NRK: variants seen among roughly 807,000 people sequenced by gnomAD.
NRK encodes the protein Nik related kinase, also known as nik-related protein kinase.
NRK carries 67 observed loss-of-function variants against 125.2 expected under a neutral mutation model. The observed-to-expected ratio is 0.54, with a 90% CI of 0.44 to 0.66. The LOEUF is 0.66. NRK is among the 30% of genes least tolerant of loss of function. The pLI is 0.00. For synonymous variants in NRK, 458 were observed against 429.0 expected (o/e 1.07, Z -0.84); for missense variants, 1,224 against 1,192.9 (o/e 1.03, Z -0.38).
intron 1 of NRK, among the ~76,000 whole-genome samples, chrX:105,825,684 A>G (rs2039083341): frequency 8.9e-6 from 1 of 111,892 alleles, no homozygotes; most frequent in Non-Finnish European, 1.9e-5. Flanking sequence ...TGACAAAATT[A>G]TATAACTTTC....
chrX:105,955,396 T>C (rs1478245155), intron 28 of NRK, 109 bp from the exon 29 acceptor site: 1 of 427,611 alleles, frequency 2.3e-6, no homozygotes, highest in Non-Finnish European at 4.1e-6. Flanking sequence ...CACAAAACAG[T>C]AAGGCTTAAT....
intron 23 of NRK, 109 bp downstream of exon 23, chrX:105,940,141 T>G: frequency 1.7e-6 from 1 of 573,388 alleles, no homozygotes; most frequent in Non-Finnish European, 2.8e-6. Flanking sequence ...ATTTGCAGTT[T>G]CAAATACAGA....
At chrX:105,947,508 ATAT>A (rs939079183) in intron 26 of NRK, among the ~76,000 whole-genome samples, 9 of 111,095 alleles carry the variant, frequency 8.1e-5, no homozygotes, top group African/African-American at 2.9e-4. Context: ...TGTCATAAAA[ATAT>A]TATACACATC....
chrX:105,838,236 ATTT>A (rs1231039630), intron 2 of NRK, among the ~76,000 whole-genome samples: 2 of 111,558 alleles, frequency 1.8e-5, no homozygotes. Context: ...AAATAAAATT[ATTT>A]TTAACATGTT....
intron 2 of NRK, among the ~76,000 whole-genome samples, chrX:105,864,219 A>G (rs1351753998): frequency 9.0e-6 from 1 of 111,269 alleles, no homozygotes; most frequent in Non-Finnish European, 1.9e-5. Context: ...AATCTAAATG[A>G]GATACCAACT....
chrX:105,923,868 T>C (rs1218820740), intron 18 of NRK, among the ~76,000 whole-genome samples: 1 of 91,020 alleles, frequency 1.1e-5, no homozygotes, highest in Non-Finnish European at 2.1e-5. Flanking sequence ...TAGCTATTCA[T>C]TTCTCAAACT....
At chrX:105,939,526 G>C (rs2040708613) in intron 22 of NRK, among the ~76,000 whole-genome samples, 1 of 110,989 alleles carries the variant, frequency 9.0e-6, no homozygotes, top group Non-Finnish European at 1.9e-5. Flanking sequence ...TTAGGTCTCT[G>C]AACTCCAGAG....
At chrX:105,952,563 AT>A (rs2040914068) in intron 27 of NRK, among the ~76,000 whole-genome samples, 1 of 112,148 alleles carries the variant, frequency 8.9e-6, no homozygotes, top group Non-Finnish European at 1.9e-5. Flanking sequence ...TGCTACAGTC[AT>A]TATTTGAGCA....
Position 105,958,499 on chromosome X carries a change from C to T in NRK, c.*2899C>T, listed in dbSNP as rs1179792417. 1 of 112,287 alleles carries T rather than the reference C, an allele frequency of 8.9e-6. No homozygotes were observed. Among genetic ancestry groups the T allele is most frequent in the East Asian group, 2.8e-4 (1 of 3,583 alleles). 9.3% of individuals were successfully genotyped at this position (112,287 alleles called of 1,213,427 possible). On this transcript the variant is annotated 3_prime_UTR_variant, in exon 29 of 29. Transcript: ENST00000243300. Reference sequence around the variant, plus strand: ...CAGTTTGTTCCAAGAAATGTGCCTACTGAAATCAAATTAATTTGTATTCAA... The same window carrying T: ...CAGTTTGTTCCAAGAAATGTGCCTATTGAAATCAAATTAATTTGTATTCAA...
intron 5 of NRK, among the ~76,000 whole-genome samples, chrX:105,889,753 C>T (rs1292559606): frequency 8.9e-6 from 1 of 112,330 alleles, no homozygotes; most frequent in Non-Finnish European, 1.9e-5. Flanking sequence ...GTACCTTGGC[C>T]CCTTTTAGCC....
At chrX:105,929,132 C>T (rs2040561802) in intron 19 of NRK, among the ~76,000 whole-genome samples, 1 of 111,499 alleles carries the variant, frequency 9.0e-6, no homozygotes, top group African/African-American at 3.2e-5. Context: ...CCTTTAGATG[C>T]AATAATATTT....
In NRK at chrX:105,880,262, T is replaced by C; in HGVS notation, c.180+7T>C. ...AGTGATGAACGCTCGTAAGGTAATA[T>C]TATAAATTGCCTGTATTCTCTTCCC... On this transcript the variant is annotated splice_region_variant and intron_variant, in intron 3 of 28. Coordinates refer to ENST00000243300, the MANE Select transcript of NRK (RefSeq NM_198465.4). The C allele has an allele frequency of 1.0e-6, 1 of 969,006 alleles. No individual in the cohort carries two copies. Among genetic ancestry groups the C allele is most frequent in the African/African-American group, 1.9e-5 (1 of 51,487 alleles). The allele number at this position is 969,006 out of a possible 1,213,427, so 79.9% of individuals were successfully genotyped here.
intron 25 of NRK, 46 bp from the exon 26 acceptor site, chrX:105,946,269 A>T: frequency 9.1e-7 from 1 of 1,103,781 alleles, no homozygotes; most frequent in Non-Finnish European, 1.2e-6. Context: ...CCTTAGTTAG[A>T]ATGTCATTTT....
At position 105,912,656 on chromosome X, in the gene NRK, A is replaced by T; in HGVS notation, c.2250A>T (p.Glu750Asp). ...TCCTTTTTGTTTCAAAGGACAAAGA[A>T]GATGAATCATCAGACAATGATGAAG... Reference protein sequence around the residue: ...EELRQVDKDKEDESSDNDEVF... With the variant: ...EELRQVDKDKDDESSDNDEVF... Residue 750 changes from glutamate to aspartate, a missense_variant, in exon 14 of 29, where the codon GAA (glutamate) becomes GAT (aspartate). Transcript: ENST00000243300. 2 of 1,083,513 alleles carry T rather than the reference A, an allele frequency of 1.8e-6. No individual in the cohort carries two copies. The allele number at this position is 1,083,513 out of a possible 1,213,427, so 89.3% of individuals were successfully genotyped here. A position where few individuals can be genotyped will look rare whatever the true frequency, so the allele number is the denominator to read the frequency against.
Position 105,924,856 on chromosome X carries a change from A to C in NRK, c.3137A>C (p.His1046Pro), listed in dbSNP as rs1333740745. 5 of 1,211,304 alleles carry C rather than the reference A, an allele frequency of 4.1e-6. No individual in the cohort carries two copies. Among genetic ancestry groups the C allele is most frequent in the Non-Finnish European group, 3.4e-6 (3 of 895,249 alleles). Residue 1046 changes from histidine (H) to proline (P), a missense_variant, in exon 19 of 29, where the codon CAT becomes CCT. Physicochemically the swap from His to Pro is moderately conservative, Grantham distance 77 (BLOSUM62 -2). Coordinates refer to ENST00000243300, the MANE Select transcript of NRK (RefSeq NM_198465.4). ...DNAAIGDQEE[H>P]AANIGSERRG... ...GCAGCCATTGGAGATCAGGAAGAAC[A>C]TGCAGCCAATATAGGCAGTGAAAGA...
Position 105,946,348 on chromosome X carries a change from G to A in NRK, c.4237G>A (p.Val1413Ile). The stretch of plus-strand genomic sequence containing the variant: ...AACACTTGATCATAAGCCAGTGACA[G>A]TTGACCTGGCTATTGGTTCTGAAAA... ...FPTLDHKPVTVDLAIGSEKRL... is the reference protein window; with the variant it reads ...FPTLDHKPVTIDLAIGSEKRL... The change falls in exon 26 of 29, where the codon GTT (valine) becomes ATT (isoleucine). Residue 1413 changes from valine to isoleucine, a missense_variant. Transcript: ENST00000243300. The A allele has an allele frequency of 1.7e-6, 2 of 1,201,505 alleles. No individual in the cohort carries two copies. Among genetic ancestry groups the A allele is most frequent in the South Asian group, 3.5e-5 (2 of 56,544 alleles).
chrX:105,883,962 T>G (rs193038577), intron 4 of NRK, among the ~76,000 whole-genome samples: 52 of 112,674 alleles, frequency 4.6e-4, no homozygotes, highest in African/African-American at 1.5e-3. Flanking sequence ...AGCAGAAAGT[T>G]TAAGGATCTT....
chrX:105,930,029 C>G (rs1409255379), intron 19 of NRK, among the ~76,000 whole-genome samples: 2 of 111,731 alleles, frequency 1.8e-5, no homozygotes, highest in African/African-American at 6.5e-5. Flanking sequence ...TGACTTCTGA[C>G]AGTTTCACTG....
chrX:105,870,880 T>C (rs1181853240), intron 2 of NRK, among the ~76,000 whole-genome samples: 5 of 111,724 alleles, frequency 4.5e-5, no homozygotes, highest in African/African-American at 1.6e-4. Context: ...ATTATTCTGT[T>C]GGATTATTCT....
Sources: allele counts gnomAD v4.1 joint callset (sites outside exome capture counted in the v4.1 genomes callset), GRCh38; gene constraint gnomAD v4.1.1; transcripts MANE v1.5; gene names NCBI Gene and HGNC (gene_info 2026-07-23, HGNC 2026-07-21).